Variants in INO80D observed in about 807,000 individuals in gnomAD.
INO80D encodes the protein INO80 complex subunit D.
In INO80D, 21 loss-of-function variants were observed where a neutral mutation model predicts 87.6. That is an observed-to-expected ratio of 0.24 (90% CI 0.17 to 0.35). INO80D has a LOEUF of 0.35. Among genes scored for constraint, INO80D ranks in the 10% least tolerant of loss-of-function variants. The pLI is 1.00. For synonymous variants in INO80D, 440 were observed against 491.0 expected (o/e 0.90, Z 1.37); for missense variants, 982 against 1,280.7 (o/e 0.77, Z 3.56).
At chr2:206,039,295 G>C (rs774759024) in intron 5 of INO80D, among the ~76,000 whole-genome samples, 10 of 151,978 alleles carry the variant, frequency 6.6e-5, no homozygotes, top group Non-Finnish European at 1.5e-4. Context: ...TACTCGGGAG[G>C]CTGAGGCAAG....
intron 1 of INO80D, among the ~76,000 whole-genome samples, chr2:206,069,622 A>C (rs1689908297): frequency 6.6e-6 from 1 of 152,176 alleles, no homozygotes; most frequent in Non-Finnish European, 1.5e-5. Context: ...AAGTTGTTCA[A>C]GGGTCAACTG....
intron 6 of INO80D, 116 bp downstream of exon 6, chr2:206,027,995 T>C: frequency 5.0e-6 from 3 of 605,904 alleles, no homozygotes; most frequent in Non-Finnish European, 7.8e-6. Flanking sequence ...CAAAACATAA[T>C]GCTTAAACGT....
At chr2:206,016,434 T>A (rs1047020538) in intron 8 of INO80D, among the ~76,000 whole-genome samples, 1 of 152,212 alleles carries the variant, frequency 6.6e-6, no homozygotes, top group Non-Finnish European at 1.5e-5. Context: ...TTTTACAGGC[T>A]CATAGGCAGA....
Position 205,996,618 on chromosome 2 carries a change from A to C in INO80D, c.*7750T>G, listed in dbSNP as rs1687813790. ...ATTTTTAAGGGAAATATATGTATAT[A>C]GCTTTATCTATACACACACATATAC... is the stretch of plus-strand genomic sequence containing the variant. On this transcript the variant is annotated 3_prime_UTR_variant, in exon 11 of 11. Coordinates refer to ENST00000403263, the MANE Select transcript of INO80D (RefSeq NM_017759.5). The C allele has an allele frequency of 2.0e-5, 3 of 152,144 alleles. No individual in the cohort carries two copies. The allele number at this position is 152,144 out of a possible 1,614,324, so 9.4% of individuals were successfully genotyped here.
At position 206,009,883 on chromosome 2, in the gene INO80D, C is replaced by T. The variant is rs569799218; in HGVS notation, c.1543-89G>A. The T allele has an allele frequency of 4.9e-5, 51 of 1,032,000 alleles. 1 individual carries two copies. In the Middle Eastern group the frequency reaches 1.2e-3, roughly 25 times the overall value. 63.9% of individuals were successfully genotyped at this position (1,032,000 alleles called of 1,614,324 possible). ...AAAAATACTTACATCCCTTAATATTCTATATAATGCCTAAAACATACTGGA... is the reference window on the plus strand; with the variant it reads ...AAAAATACTTACATCCCTTAATATTTTATATAATGCCTAAAACATACTGGA... On this transcript the variant is annotated intron_variant, in intron 8 of 10. Coordinates refer to ENST00000403263, the MANE Select transcript of INO80D (RefSeq NM_017759.5).
At chr2:206,053,440 G>GTATTAATAT (rs1448068803) in intron 4 of INO80D, among the ~76,000 whole-genome samples, 2 of 152,066 alleles carry the variant, frequency 1.3e-5, no homozygotes, top group African/African-American at 4.8e-5. Flanking sequence ...TAACAAATGG[G>GTATTAATAT]TATTAATATG....
rs368601022 is a variant in INO80D at position 206,046,551 on chromosome 2, G to A, written c.1026C>T (p.Tyr342=). The A allele has an allele frequency of 8.7e-6, 14 of 1,613,784 alleles. No homozygotes were observed. In the African/African-American group the frequency reaches 1.9e-4, roughly 22 times the overall value. ...EPEDSEQASP[Y]QVAWSIRETL... The stretch of plus-strand genomic sequence containing the variant: ...TTTCCCGGATGGACCATGCAACCTG[G>A]TAGGGCGAGGCCTGCTCTGAGTCCT... The change falls in exon 5 of 11, where the codon TAC becomes TAT. Residue 342 remains tyrosine, a synonymous_variant. Transcript: ENST00000403263.
chr2:206,003,969 C>CGCTGCTGACG lies in INO80D; in HGVS notation c.*398_*399insCGTCAGCAGC. The CGCTGCTGACG allele has an allele frequency of 5.0e-6, 1 of 198,808 alleles. No homozygotes were observed. The highest frequency in any genetic ancestry group is 1.0e-5 in the Non-Finnish European group (1 of 95,374). The allele number at this position is 198,808 out of a possible 1,614,324, so 12.3% of individuals were successfully genotyped here. A position where few individuals can be genotyped will look rare whatever the true frequency, so the allele number is the denominator to read the frequency against. Reference sequence around the variant, plus strand: ...TATACAGGAACTCAATTAATAAGATCATTCTATCTAGAACCACCTATGTAA... The same window carrying CGCTGCTGACG: ...TATACAGGAACTCAATTAATAAGATCGCTGCTGACGATTCTATCTAGAACCACCTATGTAA... On this transcript the variant is annotated 3_prime_UTR_variant, in exon 11 of 11. Coordinates refer to ENST00000403263, the MANE Select transcript of INO80D (RefSeq NM_017759.5).
chr2:206,063,110 T>C, intron 2 of INO80D, 41 bp downstream of exon 2: 2 of 865,208 alleles, frequency 2.3e-6, no homozygotes, highest in East Asian at 2.6e-5. Flanking sequence ...CAGATTTAAG[T>C]TGAGAATTTC....
intron 9 of INO80D, chr2:206,008,075 G>A (rs1352275075): frequency 2.0e-5 from 3 of 152,120 alleles, no homozygotes; most frequent in African/African-American, 7.3e-5. Context: ...TCCACCTCCT[G>A]AGTTCAAGAG....
At chr2:206,039,414 A>C (rs540041721) in intron 5 of INO80D, among the ~76,000 whole-genome samples, 79 of 152,192 alleles carry the variant, frequency 5.2e-4, no homozygotes, top group African/African-American at 1.8e-3. Flanking sequence ...AAAACAAAAC[A>C]AAAAAGAAAC....
intron 5 of INO80D, among the ~76,000 whole-genome samples, chr2:206,030,858 GAAGAA>G (rs1688744598): frequency 6.6e-6 from 1 of 152,272 alleles, no homozygotes; most frequent in Admixed American, 6.5e-5. Flanking sequence ...AAAATAAACA[GAAGAA>G]GAGAGAGAAG....
intron 8 of INO80D, among the ~76,000 whole-genome samples, chr2:206,015,395 T>A (rs1688291041): frequency 6.6e-6 from 1 of 152,132 alleles, no homozygotes; most frequent in Admixed American, 6.5e-5. Context: ...CCGTGCTCTG[T>A]GCAGCCTAAG....
intron 1 of INO80D, among the ~76,000 whole-genome samples, chr2:206,071,733 T>A (rs1689978466): frequency 6.6e-6 from 1 of 151,836 alleles, no homozygotes; most frequent in African/African-American, 2.4e-5. Context: ...TTCTGTTGTC[T>A]TCTTTTATTT....
chr2:206,061,836 T>A (rs796585087), intron 3 of INO80D, among the ~76,000 whole-genome samples: 11 of 152,320 alleles, frequency 7.2e-5, no homozygotes, highest in African/African-American at 2.6e-4. Flanking sequence ...GAAACATGGA[T>A]GAAGGTTGTG....
chr2:206,073,986 G>A (rs905017504), intron 1 of INO80D, among the ~76,000 whole-genome samples: 1 of 152,026 alleles, frequency 6.6e-6, no homozygotes, highest in Non-Finnish European at 1.5e-5. Context: ...TGGGATTACA[G>A]GCGTGAACCA....
In INO80D at chr2:206,056,318, G is replaced by C; in HGVS notation, c.844C>G (p.Arg282Gly). 1 of 1,613,964 alleles carries C rather than the reference G, an allele frequency of 6.2e-7. No individual in the cohort carries two copies. Among genetic ancestry groups the C allele is most frequent in the Non-Finnish European group, 8.5e-7 (1 of 1,179,874 alleles). ...APTVDPPRTD[R>G]ILMKATAFSP... Reference sequence around the variant, plus strand: ...AAGGCTGTGGCTTTCATGAGGATCCGGTCAGTCCTGGGTGGGTCCACAGTG... The same window carrying C: ...AAGGCTGTGGCTTTCATGAGGATCCCGTCAGTCCTGGGTGGGTCCACAGTG... The change falls in exon 4 of 11, where the codon CGG becomes GGG. Residue 282 changes from arginine (R) to glycine (G), a missense_variant. Physicochemically the swap from Arg to Gly is moderately radical, Grantham distance 125. Coordinates refer to ENST00000403263, the MANE Select transcript of INO80D (RefSeq NM_017759.5).
chr2:206,020,227 T>C (rs1013232660), intron 6 of INO80D, among the ~76,000 whole-genome samples: 3 of 152,214 alleles, frequency 2.0e-5, no homozygotes, highest in African/African-American at 4.8e-5. Context: ...TGTGTGACTA[T>C]GGGCATGTTG....
At chr2:206,077,339 CA>C (rs929278865) in intron 1 of INO80D, among the ~76,000 whole-genome samples, 83 of 107,418 alleles carry the variant, frequency 7.7e-4, no homozygotes, top group Middle Eastern at 4.9e-3. Flanking sequence ...GACTCTGTCT[CA>C]AAAAAAAAAA....
Sources: gnomAD v4.1 joint callset for allele counts (sites outside exome capture counted in the v4.1 genomes callset) on GRCh38, gnomAD v4.1.1 for gene constraint, MANE v1.5 for transcripts, NCBI Gene and HGNC (gene_info 2026-07-23, HGNC 2026-07-21) for gene names.